Variants in RNF141 observed in about 807,000 individuals in gnomAD.
RNF141 encodes ring finger protein 141.
RNF141 carries 18 observed loss-of-function variants against 27.4 expected under a neutral mutation model. The ratio of observed to expected loss-of-function variants is 0.66; its 90% confidence interval spans 0.45 to 0.97. The LOEUF is 0.97. Ranked by LOEUF, RNF141 falls within the 50% of genes least tolerant of loss-of-function variation. The pLI, the probability that RNF141 is intolerant of heterozygous loss-of-function variation, is 0.00. For missense variants in RNF141, 230 were observed against 279.4 expected, an observed-to-expected ratio of 0.82 and a Z score of 1.26; for synonymous variants, 97 against 96.6, an observed-to-expected ratio of 1.00 and a Z score of -0.02.
chr11:10,519,079 A>G lies in RNF141; in HGVS notation c.497T>C (p.Ile166Thr). ...CICMDGRADL[I>T]LPCAHSFCQK... ...ACAAAAGCTGTGAGCACAAGGCAGG[A>G]TGAGGTCAGCCCGCCCATCCATACA... Residue 166 changes from isoleucine (I) to threonine (T), a missense_variant, in exon 5 of 6, where the codon ATC (isoleucine) becomes ACC (threonine). Transcript: ENST00000265981. 2.5e-6 allele frequency: 4 copies of G among 1,614,056 alleles called. No individual in the cohort carries two copies. The highest frequency in any genetic ancestry group is 3.4e-6 in the Non-Finnish European group (4 of 1,179,942).
At chr11:10,525,468 G>C in intron 3 of RNF141, 95 bp from the exon 4 acceptor site, 3 of 895,600 alleles carry the variant, frequency 3.3e-6, no homozygotes, top group Admixed American at 3.0e-5. Flanking sequence ...AAACATCCTA[G>C]GAAATAGGAG....
intron 4 of RNF141, among the ~76,000 whole-genome samples, chr11:10,520,253 G>T (rs551541666): frequency 7.3e-6 from 1 of 137,610 alleles, no homozygotes; most frequent in African/African-American, 2.6e-5. Context: ...TTAACTTTTT[G>T]ACTCTTTTTG....
chr11:10,519,987 G>A (rs1849875101), intron 4 of RNF141, among the ~76,000 whole-genome samples: 1 of 151,974 alleles, frequency 6.6e-6, no homozygotes, highest in Non-Finnish European at 1.5e-5. Flanking sequence ...TAAAAAAATT[G>A]CAAAAAAATC....
Position 10,525,357 on chromosome 11 carries a change from C to T in RNF141, c.269G>A (p.Gly90Asp), listed in dbSNP as rs759489677. The change falls in exon 4 of 6, where the codon GGC becomes GAC. Residue 90 changes from glycine (G) to aspartate (D), a missense_variant. By Grantham distance (94) the Gly-to-Asp change is moderately conservative. Coordinates refer to ENST00000265981, the MANE Select transcript of RNF141 (RefSeq NM_016422.4). ...VVCTKINKSSGIVEASRIMNL... is the reference protein window; with the variant it reads ...VVCTKINKSSDIVEASRIMNL... ...CATGATCCGTGATGCCTCCACAATG[C>T]CACTGCTTTTGTTAATCTAAAAATA... The T allele has an allele frequency of 1.3e-6, 2 of 1,575,200 alleles. No individual in the cohort carries two copies. The highest frequency in any genetic ancestry group is 4.6e-5 in the East Asian group (2 of 43,796).
chr11:10,515,121 TTTTA>T, intron 5 of RNF141, 55 bp from the exon 6 acceptor site: 1 of 1,550,578 alleles, frequency 6.4e-7, no homozygotes. Flanking sequence ...AAAAACAGGA[TTTTA>T]TTTAAAGTAA....
At chr11:10,539,780 AGT>A (rs1850076913) in intron 1 of RNF141, among the ~76,000 whole-genome samples, 1 of 145,828 alleles carries the variant, frequency 6.9e-6, no homozygotes, top group South Asian at 2.2e-4. Context: ...TCACAGTAAC[AGT>A]GTGTTTACTA....
At chr11:10,529,617 G>C (rs943560926) in intron 3 of RNF141, among the ~76,000 whole-genome samples, 1 of 152,200 alleles carries the variant, frequency 6.6e-6, no homozygotes, top group Non-Finnish European at 1.5e-5. Context: ...TTTTAAGCAA[G>C]GCAGTAATCT....
At chr11:10,536,464 A>G (rs1221919816) in intron 1 of RNF141, among the ~76,000 whole-genome samples, 1 of 152,228 alleles carries the variant, frequency 6.6e-6, no homozygotes, top group Non-Finnish European at 1.5e-5. Context: ...GAATAAATGA[A>G]TATTATCTAG....
At chr11:10,533,930 C>A in intron 2 of RNF141, 86 bp downstream of exon 2, 1 of 1,230,062 alleles carries the variant, frequency 8.1e-7, no homozygotes, top group Non-Finnish European at 1.1e-6. Context: ...CCAATCAACA[C>A]CTCTGGTTAT....
chr11:10,527,221 C>T (rs984479426), intron 3 of RNF141, among the ~76,000 whole-genome samples: 1 of 152,162 alleles, frequency 6.6e-6, no homozygotes, highest in East Asian at 1.9e-4. Context: ...AATCCCTGCC[C>T]TCAAGCAAGT....
At chr11:10,531,173 G>A (rs942525501) in intron 2 of RNF141, among the ~76,000 whole-genome samples, 2 of 152,114 alleles carry the variant, frequency 1.3e-5, no homozygotes, top group South Asian at 4.2e-4. Flanking sequence ...TCAGGAGTTC[G>A]AGTCCAGCCT....
chr11:10,523,780 A>G (rs962755044), intron 4 of RNF141, among the ~76,000 whole-genome samples: 1 of 152,248 alleles, frequency 6.6e-6, no homozygotes, highest in African/African-American at 2.4e-5. Flanking sequence ...GTGCTACCAT[A>G]CAGCTTAAAT....
chr11:10,516,911 G>C (rs1341367036), intron 5 of RNF141: 1 of 151,886 alleles, frequency 6.6e-6, no homozygotes, highest in African/African-American at 2.4e-5. Context: ...AAAAGCTCAA[G>C]AATATTCATA....
At chr11:10,530,825 A>G (rs1849979415) in intron 2 of RNF141, 74 bp from the exon 3 acceptor site, 2 of 769,114 alleles carry the variant, frequency 2.6e-6, no homozygotes, top group Non-Finnish European at 4.0e-6. Context: ...ATGAAACTAG[A>G]TTCAAGAAAC....
chr11:10,536,155 G>T (rs764154377), intron 1 of RNF141, among the ~76,000 whole-genome samples: 5 of 152,110 alleles, frequency 3.3e-5, no homozygotes, highest in African/African-American at 9.7e-5. Flanking sequence ...ACCTAGTTTT[G>T]TATCAGGGAA....
intron 1 of RNF141, among the ~76,000 whole-genome samples, chr11:10,536,769 G>A (rs1850040919): frequency 6.6e-6 from 1 of 152,152 alleles, no homozygotes; most frequent in African/African-American, 2.4e-5. Flanking sequence ...GCCAAGTCTG[G>A]GGTTTTTAAT....
At position 10,514,563 on chromosome 11, in the gene RNF141, G is replaced by GT. The variant is rs1342518775; in HGVS notation, c.*352dup. 1 of 169,808 alleles carries GT rather than the reference G, an allele frequency of 5.9e-6. No homozygotes were observed. The highest frequency in any genetic ancestry group is 1.2e-5 in the Non-Finnish European group (1 of 80,028). The allele number at this position is 169,808 out of a possible 1,614,324, so 10.5% of individuals were successfully genotyped here. A position where few individuals can be genotyped will look rare whatever the true frequency, so the allele number is the denominator to read the frequency against. ...TATTCGAGGTTTATTTTATATCTAAGTAAAAAGATTCCAGAATACTCCTGC... is the reference window on the plus strand; with the variant it reads ...TATTCGAGGTTTATTTTATATCTAAGTTAAAAAGATTCCAGAATACTCCTGC... On this transcript the variant is annotated 3_prime_UTR_variant, in exon 6 of 6. Coordinates refer to ENST00000265981, the MANE Select transcript of RNF141 (RefSeq NM_016422.4).
At chr11:10,527,424 C>A (rs1849945315) in intron 3 of RNF141, among the ~76,000 whole-genome samples, 1 of 149,054 alleles carries the variant, frequency 6.7e-6, no homozygotes, top group Admixed American at 6.6e-5. Context: ...GGGGGAAGAT[C>A]ATTCCAGGCT....
At chr11:10,536,954 T>C (rs1223368265) in intron 1 of RNF141, among the ~76,000 whole-genome samples, 1 of 152,144 alleles carries the variant, frequency 6.6e-6, no homozygotes, top group Non-Finnish European at 1.5e-5. Context: ...AGGATACTAA[T>C]AAATTAGAAC....
Sources: allele counts gnomAD v4.1 joint callset (sites outside exome capture counted in the v4.1 genomes callset), GRCh38; gene constraint gnomAD v4.1.1; transcripts MANE v1.5; gene names NCBI Gene and HGNC (gene_info 2026-07-23, HGNC 2026-07-21).